The following CAPRIN1 variants were observed in gnomAD, a reference collection of about 807,000 sequenced individuals.
CAPRIN1 encodes cell cycle associated protein 1.
Under a neutral mutation model 100.9 loss-of-function variants are expected in CAPRIN1, and 29 were observed. The ratio of observed to expected loss-of-function variants is 0.29; its 90% CI spans 0.21 to 0.39. CAPRIN1 has a LOEUF of 0.39. CAPRIN1 is among the 10% of genes least tolerant of loss of function. The pLI, the probability that CAPRIN1 is intolerant of heterozygous loss-of-function variation, is 1.00. For missense variants in CAPRIN1, 795 were observed against 876.7 expected, an observed-to-expected ratio of 0.91 and a Z score of 1.18; for synonymous variants, 338 against 307.5, an observed-to-expected ratio of 1.10 and a Z score of -1.04.
rs1249723503 is a variant in CAPRIN1 at position 34,076,493 on chromosome 11, A to G, written c.605+19A>G. ...GCTTGAGGTATTAGTGGTATTTGATAATAGAAACTTCTGAGTATTTAAGTT... is the reference window on the plus strand; with the variant it reads ...GCTTGAGGTATTAGTGGTATTTGATGATAGAAACTTCTGAGTATTTAAGTT... On this transcript the variant is annotated intron_variant, in intron 5 of 18. Transcript: ENST00000341394. The G allele has an allele frequency of 6.2e-7, 1 of 1,608,842 alleles. No individual in the cohort carries two copies. The highest frequency in any genetic ancestry group is 2.2e-5 in the East Asian group (1 of 44,856).
At chr11:34,079,898 T>G in intron 7 of CAPRIN1, 133 bp downstream of exon 7, 2 of 630,362 alleles carry the variant, frequency 3.2e-6, no homozygotes, top group Non-Finnish European at 2.4e-6. Context: ...ACTTTAAGCA[T>G]GACAAAGTTT....
chr11:34,053,227 C>T, intron 2 of CAPRIN1: 2 of 866,472 alleles, frequency 2.3e-6, no homozygotes, highest in Non-Finnish European at 2.8e-6. Flanking sequence ...AATGGGTCTT[C>T]GATTTGCTAC....
chr11:34,098,451 T>C (rs1851403792), intron 18 of CAPRIN1: 1 of 985,230 alleles, frequency 1.0e-6, no homozygotes, highest in Non-Finnish European at 1.2e-6. Flanking sequence ...CAATTAGAGC[T>C]AGCATTTCAT....
rs1851394643 is a variant in CAPRIN1 at position 34,097,754 on chromosome 11, C to G, written c.2058C>G (p.Ala686=). ...RGSGQSGPRG[A]PRGRGGPPRP... The stretch of plus-strand genomic sequence containing the variant: ...CTGGGCAGAGTGGACCACGGGGAGC[C>G]CCACGAGGTAATATTTTGTGGTGGT... The change falls in exon 18 of 19, where the codon GCC becomes GCG. Residue 686 remains alanine, a synonymous_variant. Transcript: ENST00000341394. 1 of 1,613,768 alleles carries G rather than the reference C, an allele frequency of 6.2e-7. No homozygotes were observed. The highest frequency in any genetic ancestry group is 1.3e-5 in the African/African-American group (1 of 74,906).
chr11:34,053,604 A>G (rs1398986137), intron 2 of CAPRIN1: 4 of 152,062 alleles, frequency 2.6e-5, no homozygotes, highest in Non-Finnish European at 5.9e-5. Context: ...TCTAAAAAAA[A>G]AAAAAATCGA....
intron 2 of CAPRIN1, among the ~76,000 whole-genome samples, chr11:34,057,146 A>G (rs1247179004): frequency 6.6e-6 from 1 of 152,228 alleles, no homozygotes; most frequent in Non-Finnish European, 1.5e-5. Context: ...CTATTACCTG[A>G]AGCCTTCTTT....
chr11:34,074,625 G>C (rs4755357), intron 4 of CAPRIN1, among the ~76,000 whole-genome samples: 127,036 of 152,224 alleles, frequency 0.83, 54,218 homozygotes, highest in East Asian at 1. Flanking sequence ...GCTCACGCCT[G>C]TAACCCCAGC....
chr11:34,092,358 C>CTT lies in CAPRIN1; in HGVS notation c.1705+317_1705+318dup, dbSNP rs1216471251. 6.1e-3 allele frequency among the ~76,000 whole-genome samples: 848 copies of CTT among 139,414 alleles called. 13 individuals are homozygous for CTT. Among genetic ancestry groups the CTT allele is most frequent in the African/African-American group, 0.021 (798 of 38,080 alleles). 91.5% of individuals were successfully genotyped at this position (139,414 alleles called of 152,430 possible). ...GTTACTTGAATTACCATAAAGTGTA[C>CTT]TTTTTTTTTTTTTTTTGAGATGGGG... On this transcript the variant is annotated intron_variant, in intron 15 of 18. Coordinates refer to ENST00000341394, the MANE Select transcript of CAPRIN1 (RefSeq NM_005898.5).
At chr11:34,092,908 A>G (rs1004329335) in intron 15 of CAPRIN1, among the ~76,000 whole-genome samples, 14 of 152,110 alleles carry the variant, frequency 9.2e-5, no homozygotes, top group African/African-American at 2.7e-4. Context: ...GCTGGAGTGC[A>G]GTGATGCCAG....
At chr11:34,097,809 C>T (rs1317031130) in intron 18 of CAPRIN1, 48 bp downstream of exon 18, 1 of 1,613,638 alleles carries the variant, frequency 6.2e-7, no homozygotes, top group Non-Finnish European at 8.5e-7. Context: ...AGCTTCTGTT[C>T]TGGCCTTGGA....
rs1044980319 is a variant in CAPRIN1 at position 34,073,664 on chromosome 11, G to T, written c.366+1677G>T. On this transcript the variant is annotated intron_variant, in intron 4 of 18. Coordinates refer to ENST00000341394, the MANE Select transcript of CAPRIN1 (RefSeq NM_005898.5). ...GTCTCAAACTCCTGACCCCTCAGAT[G>T]ATCGGCCTGCCTCAGCCTCCCAAAG... is the stretch of plus-strand genomic sequence containing the variant. 6.6e-5 allele frequency among the ~76,000 whole-genome samples: 10 copies of T among 152,252 alleles called. 1 individual carries two copies. Among genetic ancestry groups the T allele is most frequent in the Admixed American group, 6.5e-4 (10 of 15,282 alleles).
At chr11:34,076,666 G>A (rs768984012) in intron 6 of CAPRIN1, 24 bp downstream of exon 6, 29 of 1,466,386 alleles carry the variant, frequency 2.0e-5, no homozygotes, top group Non-Finnish European at 2.7e-5. Flanking sequence ...TGATAACTTT[G>A]ATTTTATAAC....
Position 34,086,109 on chromosome 11 carries a change from G to A in CAPRIN1, c.1012G>A (p.Val338Ile). 1 of 1,614,020 alleles carries A rather than the reference G, an allele frequency of 6.2e-7. No homozygotes were observed. The highest frequency in any genetic ancestry group is 8.5e-7 in the Non-Finnish European group (1 of 1,179,998). The stretch of plus-strand genomic sequence containing the variant: ...GCAACCTCAGGCTGCATCCCCTTCA[G>A]TACCAGAGCCCCACTCTTTGACTCC... ...QQQPQAASPS[V>I]PEPHSLTPVA... Residue 338 changes from valine to isoleucine, a missense_variant, in exon 10 of 19, where the codon GTA becomes ATA. By Grantham distance (29) the Val-to-Ile change is conservative. Around this residue, in one of 3 missense-constraint regions of CAPRIN1, gnomAD observed 648 missense variants for 697.9 expected, o/e 0.93. Transcript: ENST00000341394.
At chr11:34,059,692 A>G (rs550007751) in intron 2 of CAPRIN1, among the ~76,000 whole-genome samples, 1 of 152,326 alleles carries the variant, frequency 6.6e-6, no homozygotes, top group South Asian at 2.1e-4. Context: ...AAATCATTAC[A>G]TAGAAATATC....
At chr11:34,077,191 CTG>C (rs1355776550) in intron 6 of CAPRIN1, among the ~76,000 whole-genome samples, 2 of 152,096 alleles carry the variant, frequency 1.3e-5, no homozygotes, top group Non-Finnish European at 2.9e-5. Flanking sequence ...ACAACTAAAA[CTG>C]GGAATATGAT....
In CAPRIN1 at chr11:34,099,777, T is replaced by TA. The variant is rs1449826665; in HGVS notation, c.*411dup. On this transcript the variant is annotated 3_prime_UTR_variant, in exon 19 of 19. Coordinates refer to ENST00000341394, the MANE Select transcript of CAPRIN1 (RefSeq NM_005898.5). ...TTCAATGATAACTGACAAACTAAAT[T>TA]ATTTCCCTAGAAAGGAAGATGAAAG... 4 of 161,208 alleles carry TA rather than the reference T, an allele frequency of 2.5e-5. No individual in the cohort carries two copies. The highest frequency in any genetic ancestry group is 5.4e-5 in the Non-Finnish European group (4 of 73,736). 10.0% of individuals were successfully genotyped at this position (161,208 alleles called of 1,614,324 possible). A position where few individuals can be genotyped will look rare whatever the true frequency, so the allele number is the denominator to read the frequency against.
chr11:34,089,949 T>C, intron 12 of CAPRIN1: 1 of 297,890 alleles, frequency 3.4e-6, no homozygotes, highest in Non-Finnish European at 6.2e-6. Flanking sequence ...TGTGGAGGGC[T>C]TTTATAACGA....
chr11:34,097,698 G>A lies in CAPRIN1; in HGVS notation c.2002G>A (p.Asp668Asn). ...CAATACTAACTAGCTTGTCTTTTAG[G>A]ATGGATATCAGCAGAATTTCAAGCG... ...APRDYSGYQR[D>N]GYQQNFKRGS... is the part of the protein sequence containing the mutation. The change falls in exon 18 of 19, where the codon GAT becomes AAT. Residue 668 changes from aspartate to asparagine, a missense_variant and splice_region_variant. Physicochemically the swap from Asp to Asn is conservative, Grantham distance 23 (BLOSUM62 1). This residue lies in a region of CAPRIN1 where 648 missense variants were observed against 697.9 expected (regional missense o/e 0.93). Transcript: ENST00000341394. 1 of 1,614,030 alleles carries A rather than the reference G, an allele frequency of 6.2e-7. No individual in the cohort carries two copies. The highest frequency in any genetic ancestry group is 8.5e-7 in the Non-Finnish European group (1 of 1,179,944).
In CAPRIN1 at chr11:34,099,735, A is replaced by T. The variant is rs947829166; in HGVS notation, c.*368A>T. The T allele has an allele frequency of 5.4e-6, 1 of 185,352 alleles. No homozygotes were observed. Among genetic ancestry groups the T allele is most frequent in the Admixed American group, 5.9e-5 (1 of 16,834 alleles). The allele number at this position is 185,352 out of a possible 1,614,324, so 11.5% of individuals were successfully genotyped here. On this transcript the variant is annotated 3_prime_UTR_variant, in exon 19 of 19. Transcript: ENST00000341394. The stretch of plus-strand genomic sequence containing the variant: ...TTTATGACATTGGATAAAATCTACA[A>T]ATCAGCCCTCGAGTTATTCAATGAT...
Sources: gnomAD v4.1 joint callset for allele counts (sites outside exome capture counted in the v4.1 genomes callset) on GRCh38, gnomAD v4.1.1 for gene constraint, gnomAD v4.1.1 regional missense constraint, MANE v1.5 for transcripts, NCBI Gene and HGNC (gene_info 2026-07-23, HGNC 2026-07-21) for gene names.